The following BRCA2 variants were observed in gnomAD, a reference collection of about 807,000 sequenced individuals.
BRCA2 encodes breast cancer type 2 susceptibility protein.
Under a neutral mutation model 276.7 loss-of-function variants are expected in BRCA2, and 203 were observed. The observed-to-expected ratio is 0.73, with a 90% CI of 0.65 to 0.82. The LOEUF (loss-of-function observed/expected upper bound fraction) is 0.82. BRCA2 is among the 40% of genes least tolerant of loss of function. The pLI, the probability that BRCA2 is intolerant of heterozygous loss-of-function variation, is 0.00. For missense variants in BRCA2, 3,920 were observed against 3,915.0 expected, an observed-to-expected ratio of 1.00 and a Z score of -0.03; for synonymous variants, 1,289 against 1,338.4, an observed-to-expected ratio of 0.96 and a Z score of 0.81.
Position 32,398,250 on chromosome 13 carries a change from C to T in BRCA2, c.9737C>T (p.Ala3246Val), listed in dbSNP as rs1555289937. The change falls in exon 27 of 27, where the codon GCC becomes GTC. Residue 3246 changes from alanine (A) to valine (V), a missense_variant. Physicochemically the swap from Ala to Val is moderately conservative, Grantham distance 64. Around this residue, in one of 2 missense-constraint regions of BRCA2, gnomAD observed 657 missense variants for 758.2 expected, o/e 0.87. Transcript: ENST00000380152. Reference sequence around the variant, plus strand: ...AAGTCTGTTTCCACACCTGTCTCAGCCCAGATGACTTCAAAGTCTTGTAAA... The same window carrying T: ...AAGTCTGTTTCCACACCTGTCTCAGTCCAGATGACTTCAAAGTCTTGTAAA... The part of the protein sequence containing the change: ...KRKSVSTPVS[A>V]QMTSKSCKGE... 1 of 1,614,046 alleles carries T rather than the reference C, an allele frequency of 6.2e-7. No homozygotes were observed. The highest frequency in any genetic ancestry group is 8.5e-7 in the Non-Finnish European group (1 of 1,179,998).
chr13:32,363,587 A>G, intron 18 of BRCA2, 54 bp downstream of exon 18: 3 of 1,502,412 alleles, frequency 2.0e-6, no homozygotes, highest in South Asian at 2.3e-5. Flanking sequence ...GTTAAATTCT[A>G]GAAGTTTTAC....
rs1555288114 is a variant in BRCA2, at chr13:32,376,665, C to G, written c.8633-5C>G. The G allele has an allele frequency of 6.2e-7, 1 of 1,613,346 alleles. No individual in the cohort carries two copies. The highest frequency in any genetic ancestry group is 8.5e-7 in the Non-Finnish European group (1 of 1,179,712). ...AGTGAATTAATAATCCTTTTGTTTT[C>G]TTAGAAAACACAACAAAACCATATT... On this transcript the variant is annotated splice_region_variant and splice_polypyrimidine_tract_variant and intron_variant, in intron 20 of 26. Coordinates refer to ENST00000380152, the MANE Select transcript of BRCA2 (RefSeq NM_000059.4).
At chr13:32,376,199 A>G (rs1223547199) in intron 20 of BRCA2, among the ~76,000 whole-genome samples, 2 of 151,148 alleles carry the variant, frequency 1.3e-5, no homozygotes, top group South Asian at 2.1e-4. Context: ...TTTTTTAAAC[A>G]TGAGTACACT....
intron 21 of BRCA2, 68 bp from the exon 22 acceptor site, chr13:32,379,249 T>G: frequency 2.7e-6 from 4 of 1,492,978 alleles, no homozygotes; most frequent in Non-Finnish European, 3.7e-6. Flanking sequence ...TTTAAAGCCA[T>G]CTAGTTACAA....
At chr13:32,328,130 T>C (rs2137455946) in intron 7 of BRCA2, among the ~76,000 whole-genome samples, 1 of 152,278 alleles carries the variant, frequency 6.6e-6, no homozygotes, top group East Asian at 1.9e-4. Context: ...CAAACAAGTA[T>C]TTGGAAGTTC....
intron 3 of BRCA2, among the ~76,000 whole-genome samples, chr13:32,323,327 G>C (rs991103996): frequency 6.6e-6 from 1 of 151,916 alleles, no homozygotes; most frequent in Admixed American, 6.6e-5. Flanking sequence ...TGATTTTTTT[G>C]TATTTTTAGT....
At chr13:32,381,661 G>C (rs1046307104) in intron 24 of BRCA2, among the ~76,000 whole-genome samples, 1 of 152,172 alleles carries the variant, frequency 6.6e-6, no homozygotes, top group Non-Finnish European at 1.5e-5. Flanking sequence ...TGTGTGGACT[G>C]TAACTTCCTG....
chr13:32,355,609 C>T (rs1341470487), intron 14 of BRCA2, among the ~76,000 whole-genome samples: 1 of 152,084 alleles, frequency 6.6e-6, no homozygotes, highest in African/African-American at 2.4e-5. Context: ...TGCCTGTAAT[C>T]CCAGAACTTT....
chr13:32,321,319 A>G (rs1358023452), intron 3 of BRCA2, among the ~76,000 whole-genome samples: 8 of 152,206 alleles, frequency 5.3e-5, no homozygotes, highest in Admixed American at 3.9e-4. Flanking sequence ...CTAAGTACTC[A>G]GTCTCGTAAG....
At chr13:32,318,536 G>A (rs879601807) in intron 2 of BRCA2, among the ~76,000 whole-genome samples, 2 of 152,020 alleles carry the variant, frequency 1.3e-5, no homozygotes, top group Non-Finnish European at 2.9e-5. Flanking sequence ...CCGCCTCCTG[G>A]GTTCAAGTGA....
intron 11 of BRCA2, among the ~76,000 whole-genome samples, chr13:32,343,215 GT>G (rs1159588992): frequency 1.3e-5 from 2 of 151,964 alleles, no homozygotes; most frequent in East Asian, 3.9e-4. Flanking sequence ...TTTTGTGTGT[GT>G]TTTTTTCTAT....
At chr13:32,362,162 A>G (rs1276539689) in intron 16 of BRCA2, among the ~76,000 whole-genome samples, 1 of 152,074 alleles carries the variant, frequency 6.6e-6, no homozygotes, top group East Asian at 1.9e-4. Flanking sequence ...AGCTGGGACC[A>G]CAGATGTGAG....
rs2137495376 is a variant in BRCA2 at position 32,337,670 on chromosome 13, T to A, written c.3315T>A (p.Pro1105=). Residue 1105 remains proline, a synonymous_variant, in exon 11 of 27, where the codon CCT becomes CCA. Transcript: ENST00000380152. ...TTAATTCAAACCATAATTTAACACCTAGCCAAAAGGCAGAAATTACAGAAC... is the reference window on the plus strand; with the variant it reads ...TTAATTCAAACCATAATTTAACACCAAGCCAAAAGGCAGAAATTACAGAAC... ...QDFNSNHNLT[P]SQKAEITELS... 6.3e-7 allele frequency: 1 copy of A among 1,596,628 alleles called. No individual in the cohort carries two copies. Among genetic ancestry groups the A allele is most frequent in the Non-Finnish European group, 8.5e-7 (1 of 1,172,314 alleles).
intron 7 of BRCA2, among the ~76,000 whole-genome samples, chr13:32,328,251 T>G (rs2072364306): frequency 6.6e-6 from 1 of 151,756 alleles, no homozygotes; most frequent in South Asian, 2.1e-4. Flanking sequence ...TTTCGTTTTT[T>G]TTTTTTTTGA....
Position 32,338,800 on chromosome 13 carries a change from A to G in BRCA2, c.4445A>G (p.Glu1482Gly), listed in dbSNP as rs775234705. The change falls in exon 11 of 27, where the codon GAA becomes GGA. Residue 1482 changes from glutamate to glycine, a missense_variant. Transcript: ENST00000380152. ...KNKMDILSYE[E>G]TDIVKHKILK... ...AAAATGGACATTCTAAGTTATGAGG[A>G]AACAGACATAGTTAAACACAAAATA... 6.2e-7 allele frequency: 1 copy of G among 1,613,434 alleles called. No individual in the cohort carries two copies. The highest frequency in any genetic ancestry group is 2.2e-5 in the East Asian group (1 of 44,882).
chr13:32,324,984 A>G (rs2072332843), intron 3 of BRCA2, 92 bp from the exon 4 acceptor site: 2 of 861,450 alleles, frequency 2.3e-6, no homozygotes, highest in Admixed American at 4.0e-5. Context: ...TTCCCAGTAT[A>G]GAGGAGACTT....
rs1064793065 is a variant in BRCA2 at position 32,338,651 on chromosome 13, T to G, written c.4296T>G (p.Ser1432Arg). 1.3e-6 allele frequency: 2 copies of G among 1,597,578 alleles called. No individual in the cohort carries two copies. The highest frequency in any genetic ancestry group is 2.7e-5 in the African/African-American group (2 of 74,338). Residue 1432 changes from serine (S) to arginine (R), a missense_variant, in exon 11 of 27, where the codon AGT (serine) becomes AGG (arginine). Around this residue, in one of 2 missense-constraint regions of BRCA2, gnomAD observed 3,263 missense variants for 3,156.9 expected, o/e 1.03. Transcript: ENST00000380152. Reference protein sequence around the residue: ...ETSDTFFQTASGKNISVAKES... With the variant: ...ETSDTFFQTARGKNISVAKES... ...CTGATACATTTTTTCAGACTGCAAG[T>G]GGGAAAAATATTAGTGTCGCCAAAG...
intron 24 of BRCA2, among the ~76,000 whole-genome samples, chr13:32,384,420 G>A (rs745511722): frequency 1.3e-5 from 2 of 152,192 alleles, no homozygotes; most frequent in African/African-American, 2.4e-5. Flanking sequence ...GCCTGGAAGC[G>A]GAATCCAGGG....
At chr13:32,316,075 T>C (rs535708039) in intron 1 of BRCA2, among the ~76,000 whole-genome samples, 2 of 152,366 alleles carry the variant, frequency 1.3e-5, no homozygotes, top group Admixed American at 1.3e-4. Flanking sequence ...AATTGCTGTA[T>C]TCCGAAGACA....
Sources: gnomAD v4.1 joint callset for allele counts (sites outside exome capture counted in the v4.1 genomes callset) on GRCh38, gnomAD v4.1.1 for gene constraint, gnomAD v4.1.1 regional missense constraint, MANE v1.5 for transcripts, NCBI Gene and HGNC (gene_info 2026-07-23, HGNC 2026-07-21) for gene names.